The following TRPM8 variants were observed in gnomAD, a reference collection of about 807,000 sequenced individuals.
The protein encoded by TRPM8 is TRPM8 cationic channel.
TRPM8 carries 110 observed loss-of-function variants against 133.7 expected under a neutral mutation model. The ratio of observed to expected loss-of-function variants is 0.82; its 90% CI spans 0.70 to 0.96. The LOEUF (loss-of-function observed/expected upper bound fraction) is 0.96, where lower values mean the gene tolerates loss of function less well. Ranked by LOEUF, TRPM8 falls within the 40% of genes least tolerant of loss-of-function variation. TRPM8 has a pLI of 0.00. For missense variants in TRPM8, 1,291 were observed against 1,379.5 expected, an observed-to-expected ratio of 0.94 and a Z score of 1.02; for synonymous variants, 535 against 532.3, an observed-to-expected ratio of 1.01 and a Z score of -0.07.
intron 17 of TRPM8, among the ~76,000 whole-genome samples, chr2:233,973,498 C>T (rs28901874): frequency 0.013 from 1,928 of 152,298 alleles, 34 homozygotes; most frequent in African/African-American, 0.043. Context: ...CAAATCTCCG[C>T]TCTCCCTGGG....
At chr2:233,985,942 C>A in intron 21 of TRPM8, 77 bp downstream of exon 21, 1 of 1,357,076 alleles carries the variant, frequency 7.4e-7, no homozygotes, top group Non-Finnish European at 1.0e-6. Context: ...CTGGGAGCAT[C>A]GCAAAGGTCC....
At chr2:233,972,273 A>C (rs1691744589) in intron 17 of TRPM8, among the ~76,000 whole-genome samples, 1 of 152,210 alleles carries the variant, frequency 6.6e-6, no homozygotes, top group South Asian at 2.1e-4. Context: ...CCTGAGCTAG[A>C]CACAGGGTGC....
intron 11 of TRPM8, among the ~76,000 whole-genome samples, chr2:233,960,475 C>T (rs1304991481): frequency 1.3e-5 from 2 of 152,192 alleles, no homozygotes; most frequent in Admixed American, 6.5e-5. Context: ...AACATTATCT[C>T]TACATGGGTG....
intron 17 of TRPM8, among the ~76,000 whole-genome samples, chr2:233,974,527 C>A (rs915447791): frequency 6.6e-6 from 1 of 152,202 alleles, no homozygotes; most frequent in African/African-American, 2.4e-5. Context: ...CCACTGCGCT[C>A]GGCCACCAAA....
At chr2:233,969,380 G>A (rs913787175) in intron 15 of TRPM8, among the ~76,000 whole-genome samples, 2 of 151,934 alleles carry the variant, frequency 1.3e-5, no homozygotes, top group African/African-American at 2.4e-5. Flanking sequence ...CCAGCTACTC[G>A]GGAGGCTGAG....
intron 1 of TRPM8, among the ~76,000 whole-genome samples, chr2:233,920,714 T>C (rs893374568): frequency 4.6e-5 from 7 of 152,124 alleles, no homozygotes; most frequent in Non-Finnish European, 1.0e-4. Flanking sequence ...TCACAGGAAG[T>C]GGAAGAGGAA....
At position 233,931,658 on chromosome 2, in the gene TRPM8, C is replaced by T. The variant is rs370249057; in HGVS notation, c.191+917C>T. ...ACCTCATGGGTTGTGGTATTCAAGA[C>T]GCAGCATATAAAATACCTACCATAA... On this transcript the variant is annotated intron_variant, in intron 3 of 25. Coordinates refer to ENST00000324695, the MANE Select transcript of TRPM8 (RefSeq NM_024080.5). 1.6e-4 allele frequency among the ~76,000 whole-genome samples: 25 copies of T among 152,268 alleles called. No homozygotes were observed. In the South Asian group the frequency reaches 1.7e-3, roughly 10 times the overall value.
intron 3 of TRPM8, chr2:233,933,852 G>C (rs1465099562): frequency 6.0e-6 from 1 of 167,184 alleles, no homozygotes. Context: ...CTCAGGAAGT[G>C]CCCTAACACT....
chr2:233,987,592 C>A (rs1692176089), intron 21 of TRPM8, among the ~76,000 whole-genome samples: 1 of 152,170 alleles, frequency 6.6e-6, no homozygotes, highest in Non-Finnish European at 1.5e-5. Flanking sequence ...CTCCCAGTGT[C>A]CAGAGATGTC....
At chr2:233,930,815 A>C in intron 3 of TRPM8, 74 bp downstream of exon 3, 4 of 926,256 alleles carry the variant, frequency 4.3e-6, no homozygotes, top group Non-Finnish European at 6.9e-6. Flanking sequence ...CAACAAACAA[A>C]TGCTCCCTAG....
chr2:233,983,244 G>A lies in TRPM8; in HGVS notation c.2761+20G>A, dbSNP rs1410500126. The A allele has an allele frequency of 6.2e-7, 1 of 1,613,780 alleles. No individual in the cohort carries two copies. Among genetic ancestry groups the A allele is most frequent in the African/African-American group, 1.3e-5 (1 of 74,922 alleles). ...TGGATGGTAAGCCTGACTTGGCTCA[G>A]ATGGAAACAGCTTGGAGGAGGCATT... On this transcript the variant is annotated intron_variant, in intron 20 of 25. Transcript: ENST00000324695.
chr2:233,944,012 G>A (rs1453419749), intron 6 of TRPM8, among the ~76,000 whole-genome samples: 1 of 152,100 alleles, frequency 6.6e-6, no homozygotes, highest in South Asian at 2.1e-4. Flanking sequence ...CATGGTAGAG[G>A]GGGAGGAGGA....
intron 5 of TRPM8, 147 bp downstream of exon 5, chr2:233,939,322 T>A (rs1002170660): frequency 1.2e-5 from 11 of 886,632 alleles, no homozygotes; most frequent in African/African-American, 5.1e-5. Flanking sequence ...GAAAGCCATA[T>A]CCTCAAATGA....
At chr2:233,986,833 A>G (rs760779226) in intron 21 of TRPM8, among the ~76,000 whole-genome samples, 1 of 152,228 alleles carries the variant, frequency 6.6e-6, no homozygotes, top group Non-Finnish European at 1.5e-5. Flanking sequence ...AATAATTCAG[A>G]GAAAGAAAAG....
intron 5 of TRPM8, among the ~76,000 whole-genome samples, chr2:233,941,420 G>A (rs2125097621): frequency 6.6e-6 from 1 of 152,268 alleles, no homozygotes; most frequent in East Asian, 1.9e-4. Flanking sequence ...AACTTCTAAG[G>A]ATCACATCGT....
At chr2:234,017,164 AT>A (rs1392897064) in intron 25 of TRPM8, 134 bp from the exon 26 acceptor site, 1 of 351,172 alleles carries the variant, frequency 2.8e-6, no homozygotes, top group Non-Finnish European at 5.6e-6. Flanking sequence ...AAAAAAAAAA[AT>A]CTCTCAACTT....
At chr2:233,934,188 G>A (rs921178221) in intron 3 of TRPM8, among the ~76,000 whole-genome samples, 1 of 152,134 alleles carries the variant, frequency 6.6e-6, no homozygotes, top group African/African-American at 2.4e-5. Context: ...CCTCTGGAGT[G>A]GTTAGAAACG....
chr2:233,927,924 TTCTCTCTCTCTCTCTC>T lies in TRPM8; in HGVS notation c.117+1292_117+1307del, dbSNP rs1178731456. On this transcript the variant is annotated intron_variant, in intron 2 of 25. Transcript: ENST00000324695. The stretch of plus-strand genomic sequence containing the variant: ...TTTCTTTCTTTCTCTCTCTCTCTCT[TTCTCTCTCTCTCTCTC>T]TCTCTCTCTCTCTCTCTCTCTTTCT... 1.7e-3 allele frequency among the ~76,000 whole-genome samples: 48 copies of T among 28,054 alleles called. 4 individuals are homozygous for T. The highest frequency in any genetic ancestry group is 9.2e-3 in the African/African-American group (43 of 4,660). The allele number at this position is 28,054 out of a possible 152,430, so 18.4% of individuals were successfully genotyped here.
intron 1 of TRPM8, among the ~76,000 whole-genome samples, chr2:233,922,673 T>A (rs1306755595): frequency 6.6e-6 from 1 of 152,180 alleles, no homozygotes; most frequent in African/African-American, 2.4e-5. Flanking sequence ...TTCCTGAGTG[T>A]GTCTTTCTAC....
Sources: gnomAD v4.1 joint callset for allele counts (sites outside exome capture counted in the v4.1 genomes callset) on GRCh38, gnomAD v4.1.1 for gene constraint, MANE v1.5 for transcripts, NCBI Gene and HGNC (gene_info 2026-07-23, HGNC 2026-07-21) for gene names.